The following MYLK variants were observed in gnomAD, a reference collection of about 807,000 sequenced individuals.
The protein encoded by MYLK is myosin light chain kinase, smooth muscle.
Under a neutral mutation model 203.4 loss-of-function variants are expected in MYLK, and 106 were observed. The ratio of observed to expected loss-of-function variants is 0.52; its 90% CI spans 0.45 to 0.61. The LOEUF (loss-of-function observed/expected upper bound fraction) is 0.61, where lower values mean the gene tolerates loss of function less well. MYLK is among the 20% of genes least tolerant of loss of function. MYLK has a pLI of 0.00. For synonymous variants in MYLK, 867 were observed against 959.5 expected, an observed-to-expected ratio of 0.90 and a Z score of 1.78; for missense variants, 2,072 against 2,442.3, an observed-to-expected ratio of 0.85 and a Z score of 3.20.
intron 29 of MYLK, among the ~76,000 whole-genome samples, chr3:123,635,959 G>A (rs190374444): frequency 5.4e-4 from 82 of 152,184 alleles, no homozygotes; most frequent in African/African-American, 1.8e-3. Context: ...TCTCACAAAC[G>A]ATGTCAAGCA....
chr3:123,704,894 T>C (rs1292188437), intron 16 of MYLK, among the ~76,000 whole-genome samples: 1 of 152,166 alleles, frequency 6.6e-6, no homozygotes, highest in African/African-American at 2.4e-5. Context: ...CACTCCAGCC[T>C]GGGCGACAGA....
intron 31 of MYLK, chr3:123,620,565 G>C: frequency 7.3e-7 from 1 of 1,372,694 alleles, no homozygotes; most frequent in Non-Finnish European, 9.4e-7. Context: ...TGGAACTGAT[G>C]TGTGCGTTAA....
In MYLK at chr3:123,731,826, A is replaced by G. The variant is rs148038618; in HGVS notation, c.1516+1070T>C. Among the ~76,000 whole-genome samples the G allele has an allele frequency of 9.0e-4, 137 of 152,098 alleles. 1 individual carries two copies. The highest frequency in any genetic ancestry group is 3.2e-3 in the African/African-American group (135 of 41,546). On this transcript the variant is annotated intron_variant, in intron 11 of 33. Transcript: ENST00000360304. ...GACCACCATCACATCTTAAAACACC[A>G]CGAATTCCTTTATATTAAATCTTAT...
rs1326902062 is a variant in MYLK at position 123,708,911 on chromosome 3, G to A, written c.1943-16C>T. On this transcript the variant is annotated splice_polypyrimidine_tract_variant and intron_variant, in intron 14 of 33. Coordinates refer to ENST00000360304, the MANE Select transcript of MYLK (RefSeq NM_053025.4). ...GGTGGATTCCCTGAACCAGGAGGAG[G>A]GGAAGGGGGATTGGTTAGGGAGGTC... 3 of 1,612,612 alleles carry A rather than the reference G, an allele frequency of 1.9e-6. No homozygotes were observed. The highest frequency in any genetic ancestry group is 2.5e-6 in the Non-Finnish European group (3 of 1,178,770).
chr3:123,697,240 C>T (rs2060966663), intron 18 of MYLK, among the ~76,000 whole-genome samples: 1 of 152,212 alleles, frequency 6.6e-6, no homozygotes, highest in African/African-American at 2.4e-5. Flanking sequence ...TAACAAAACA[C>T]TGGGCTCTTG....
chr3:123,855,088 A>G (rs2031232839), intron 2 of MYLK, among the ~76,000 whole-genome samples: 1 of 152,162 alleles, frequency 6.6e-6, no homozygotes, highest in Non-Finnish European at 1.5e-5. Context: ...ACTTTTGTTT[A>G]GCTTTCAAAG....
At chr3:123,748,241 T>A (rs1323091984) in intron 5 of MYLK, among the ~76,000 whole-genome samples, 1 of 152,194 alleles carries the variant, frequency 6.6e-6, no homozygotes, top group Non-Finnish European at 1.5e-5. Context: ...GTGAACTAAC[T>A]GAGCAAGAAT....
chr3:123,707,515 G>A (rs1384301638), intron 16 of MYLK, among the ~76,000 whole-genome samples: 2 of 152,178 alleles, frequency 1.3e-5, no homozygotes, highest in Non-Finnish European at 2.9e-5. Context: ...GGGGAACAAG[G>A]ATGTAACAAG....
At chr3:123,855,189 T>G (rs997287380) in intron 2 of MYLK, among the ~76,000 whole-genome samples, 2 of 152,188 alleles carry the variant, frequency 1.3e-5, no homozygotes, top group African/African-American at 4.8e-5. Context: ...TTCACTTCCA[T>G]TCCCTTTTTA....
intron 8 of MYLK, 29 bp from the exon 9 acceptor site, chr3:123,735,445 T>G: frequency 6.2e-7 from 1 of 1,613,966 alleles, no homozygotes; most frequent in Non-Finnish European, 8.5e-7. Context: ...GTGGAAAGAC[T>G]GTTAGTAGAA....
intron 2 of MYLK, among the ~76,000 whole-genome samples, chr3:123,848,555 C>T (rs2030343447): frequency 6.6e-6 from 1 of 152,134 alleles, no homozygotes; most frequent in Non-Finnish European, 1.5e-5. Flanking sequence ...CAGCTAGGAA[C>T]TGCCAAATGA....
intron 18 of MYLK, among the ~76,000 whole-genome samples, chr3:123,699,146 G>C (rs1429371147): frequency 6.6e-6 from 1 of 152,050 alleles, no homozygotes; most frequent in Non-Finnish European, 1.5e-5. Flanking sequence ...CTGCCAGAAT[G>C]GGGTGTGGAG....
chr3:123,855,870 A>T lies in MYLK; in HGVS notation c.-127+20689T>A, dbSNP rs78367254. On this transcript the variant is annotated intron_variant, in intron 2 of 33. Transcript: ENST00000360304. ...TAGAGATTTGGGACCTTCTGCTTTT[A>T]CACCAAAGCTTTCACTGATCAAGCC... Among the ~76,000 whole-genome samples the T allele has an allele frequency of 5.1e-4, 78 of 152,244 alleles. No individual in the cohort carries two copies. The East Asian group carries it at 0.014, about 28-fold the overall frequency.
chr3:123,798,161 C>A (rs1188314246), intron 3 of MYLK, among the ~76,000 whole-genome samples: 1 of 152,172 alleles, frequency 6.6e-6, no homozygotes, highest in African/African-American at 2.4e-5. Context: ...TAATGATCAC[C>A]CCTTCACAAA....
At chr3:123,849,780 C>A (rs2030516720) in intron 2 of MYLK, among the ~76,000 whole-genome samples, 1 of 151,952 alleles carries the variant, frequency 6.6e-6, no homozygotes, top group Non-Finnish European at 1.5e-5. Flanking sequence ...TTCTAGGGTA[C>A]ATGTGCACAA....
intron 30 of MYLK, among the ~76,000 whole-genome samples, chr3:123,627,325 C>T (rs1046086985): frequency 6.6e-6 from 1 of 152,204 alleles, no homozygotes; most frequent in Non-Finnish European, 1.5e-5. Context: ...AAGCCTAATC[C>T]TCCTGCCACC....
At chr3:123,661,700 G>A (rs1483839534) in intron 23 of MYLK, among the ~76,000 whole-genome samples, 1 of 152,146 alleles carries the variant, frequency 6.6e-6, no homozygotes, top group East Asian at 1.9e-4. Context: ...AGAACACAGG[G>A]TAAAGAAACA....
At chr3:123,652,789 C>T (rs1371226389) in intron 24 of MYLK, among the ~76,000 whole-genome samples, 1 of 152,096 alleles carries the variant, frequency 6.6e-6, no homozygotes, top group Non-Finnish European at 1.5e-5. Context: ...CCTGGCTGGG[C>T]TGGGAGGGAG....
intron 4 of MYLK, among the ~76,000 whole-genome samples, chr3:123,780,651 C>CT (rs2064260508): frequency 6.6e-6 from 1 of 152,162 alleles, no homozygotes; most frequent in South Asian, 2.1e-4. Context: ...AGAGGCAGCT[C>CT]CTTAAGATAG....
Sources: gnomAD v4.1 joint callset for allele counts (sites outside exome capture counted in the v4.1 genomes callset) on GRCh38, gnomAD v4.1.1 for gene constraint, MANE v1.5 for transcripts, NCBI Gene and HGNC (gene_info 2026-07-23, HGNC 2026-07-21) for gene names.